FRMD7: variants seen among roughly 807,000 people sequenced by gnomAD.
FRMD7 encodes FERM domain-containing protein 7.
In FRMD7, 14 loss-of-function variants were observed where a neutral mutation model predicts 44.1. The ratio of observed to expected loss-of-function variants is 0.32; its 90% CI spans 0.21 to 0.50. FRMD7 has a LOEUF of 0.50. FRMD7 is among the 20% of genes least tolerant of loss of function. The pLI is 0.99. For synonymous variants in FRMD7, 212 were observed against 187.4 expected, an observed-to-expected ratio of 1.13 and a Z score of -1.07; for missense variants, 501 against 522.3, an observed-to-expected ratio of 0.96 and a Z score of 0.40.
intron 1 of FRMD7, among the ~76,000 whole-genome samples, chrX:132,121,289 C>T (rs1276780755): frequency 8.9e-6 from 1 of 111,897 alleles, no homozygotes; most frequent in African/African-American, 3.2e-5. Context: ...CCCAGCTCAC[C>T]TGTTAACTTA....
intron 1 of FRMD7, among the ~76,000 whole-genome samples, chrX:132,105,248 T>G (rs1397079183): frequency 9.0e-6 from 1 of 111,385 alleles, no homozygotes; most frequent in Non-Finnish European, 1.9e-5. Context: ...TATCAAACAG[T>G]TAGGATATGA....
intron 1 of FRMD7, among the ~76,000 whole-genome samples, chrX:132,125,910 T>C (rs1489257632): frequency 8.9e-6 from 1 of 111,851 alleles, no homozygotes; most frequent in Non-Finnish European, 1.9e-5. Context: ...GTCACTTAAG[T>C]TCCCTGAGCC....
intron 1 of FRMD7, among the ~76,000 whole-genome samples, chrX:132,116,022 G>T (rs1211350508): frequency 2.7e-5 from 3 of 111,215 alleles, no homozygotes; most frequent in Non-Finnish European, 5.7e-5. Context: ...TGCAGGGCTG[G>T]TCCAGGAAAA....
chrX:132,127,718 A>G (rs1460048128), intron 1 of FRMD7, 70 bp downstream of exon 1: 2 of 837,753 alleles, frequency 2.4e-6, no homozygotes, highest in Non-Finnish European at 3.6e-6. Flanking sequence ...TTGCTCTCTA[A>G]TGGGCTGTTC....
chrX:132,081,072 C>T (rs900187281), intron 9 of FRMD7, among the ~76,000 whole-genome samples: 1 of 111,636 alleles, frequency 9.0e-6, no homozygotes, highest in African/African-American at 3.3e-5. Context: ...CCATGGCTCA[C>T]ACCTGTAATT....
intron 6 of FRMD7, 22 bp from the exon 7 acceptor site, chrX:132,085,750 G>A (rs1927964992): frequency 8.4e-7 from 1 of 1,196,194 alleles, no homozygotes; most frequent in Non-Finnish European, 1.1e-6. Flanking sequence ...AAGAATTTAT[G>A]AGCCTAATAA....
chrX:132,117,342 T>A (rs1340273280), intron 1 of FRMD7, among the ~76,000 whole-genome samples: 1 of 111,715 alleles, frequency 9.0e-6, no homozygotes, highest in Non-Finnish European at 1.9e-5. Flanking sequence ...AGGTAGTGGA[T>A]CATGTACAGC....
intron 5 of FRMD7, among the ~76,000 whole-genome samples, chrX:132,092,490 G>A (rs1435914752): frequency 8.9e-6 from 1 of 112,128 alleles, no homozygotes; most frequent in Non-Finnish European, 1.9e-5. Context: ...CTACGTTAGA[G>A]TTTAGTGAAA....
At chrX:132,087,833 A>G (rs1928041373) in intron 5 of FRMD7, among the ~76,000 whole-genome samples, 1 of 111,656 alleles carries the variant, frequency 9.0e-6, no homozygotes, top group Non-Finnish European at 1.9e-5. Flanking sequence ...TCAGCAGCAT[A>G]TGAAAAGGAT....
At chrX:132,083,976 G>A (rs1383825031) in intron 8 of FRMD7, among the ~76,000 whole-genome samples, 2 of 111,348 alleles carry the variant, frequency 1.8e-5, no homozygotes, top group Non-Finnish European at 3.8e-5. Flanking sequence ...AAAAAAAGAA[G>A]ATCATTTCTA....
intron 1 of FRMD7, among the ~76,000 whole-genome samples, chrX:132,115,032 T>C (rs1038551132): frequency 1.8e-5 from 2 of 112,544 alleles, no homozygotes; most frequent in Admixed American, 9.4e-5. Flanking sequence ...TCGTGCACAC[T>C]GTAGGTGATT....
In FRMD7 at chrX:132,101,244, C is replaced by T. The variant is rs867105825; in HGVS notation, c.58-528G>A. 7.2e-5 allele frequency among the ~76,000 whole-genome samples: 8 copies of T among 110,891 alleles called. No homozygotes were observed. In the East Asian group the frequency reaches 1.1e-3, roughly 16 times the overall value. On this transcript the variant is annotated intron_variant, in intron 1 of 11. Transcript: ENST00000298542. ...CTCCTGATACTTTCCTCTCTAATAA[C>T]GGCAGCCTGCTCTTAGTTCCCCATA...
rs2124211909 is a variant in FRMD7 at position 132,080,015 on chromosome X, C to T, written c.1041G>A (p.Val347=). 7 of 1,179,748 alleles carry T rather than the reference C, an allele frequency of 5.9e-6. No individual in the cohort carries two copies. Among genetic ancestry groups the T allele is most frequent in the South Asian group, 1.8e-5 (1 of 56,252 alleles). The change falls in exon 11 of 12, where the codon GTG becomes GTA. Residue 347 remains valine, a synonymous_variant. Transcript: ENST00000298542. ...TTTTCAGAAACCTTACTTGTTTTGACACATCAGAGAGGAGGTCTGGTGAGG... is the reference window on the plus strand; with the variant it reads ...TTTTCAGAAACCTTACTTGTTTTGATACATCAGAGAGGAGGTCTGGTGAGG... ...CRSSPDLLSD[V]SKQVEDLRLA... is the part of the protein sequence containing the mutation.
At chrX:132,096,099 C>T (rs371787355) in intron 4 of FRMD7, among the ~76,000 whole-genome samples, 6 of 110,847 alleles carry the variant, frequency 5.4e-5, no homozygotes, top group East Asian at 2.8e-4. Context: ...GGTTAGCAAA[C>T]GCAAATACAT....
Position 132,078,775 on chromosome X carries a change from G to C in FRMD7, c.1242C>G (p.Phe414Leu), listed in dbSNP as rs773855252. ...LLHQSQSSSS[F>L]PFIYMDPVFN... ...AGACAGGGTCCATATAAATAAAAGG[G>C]AAAGAGGAACTGCTTTGGGACTGAT... Residue 414 changes from phenylalanine to leucine, a missense_variant, in exon 12 of 12, where the codon TTC becomes TTG. Coordinates refer to ENST00000298542, the MANE Select transcript of FRMD7 (RefSeq NM_194277.3). 8 of 1,211,461 alleles carry C rather than the reference G, an allele frequency of 6.6e-6. No individual in the cohort carries two copies. The Admixed American group carries it at 1.3e-4, about 20-fold the overall frequency.
intron 1 of FRMD7, among the ~76,000 whole-genome samples, chrX:132,116,176 C>T (rs762487771): frequency 5.3e-5 from 6 of 112,485 alleles, no homozygotes; most frequent in Non-Finnish European, 9.4e-5. Flanking sequence ...AGAGCAAGAA[C>T]AGAATCCACT....
intron 3 of FRMD7, 31 bp downstream of exon 3, chrX:132,099,437 C>A: frequency 8.7e-7 from 1 of 1,153,403 alleles, no homozygotes; most frequent in South Asian, 1.8e-5. Context: ...TAACTGTGAA[C>A]TCTCTTCCTT....
At chrX:132,092,265 T>A (rs1219401171) in intron 5 of FRMD7, among the ~76,000 whole-genome samples, 1 of 112,030 alleles carries the variant, frequency 8.9e-6, no homozygotes, top group East Asian at 2.8e-4. Context: ...TGTGTAAGTG[T>A]AAACAAAGGA....
At chrX:132,124,271 C>A (rs183485002) in intron 1 of FRMD7, among the ~76,000 whole-genome samples, 21 of 111,862 alleles carry the variant, frequency 1.9e-4, no homozygotes, top group Non-Finnish European at 3.2e-4. Context: ...TAAATCATGA[C>A]CTTATTCAAT....
Sources: gnomAD v4.1 joint callset for allele counts (sites outside exome capture counted in the v4.1 genomes callset) on GRCh38, gnomAD v4.1.1 for gene constraint, MANE v1.5 for transcripts, NCBI Gene and HGNC (gene_info 2026-07-23, HGNC 2026-07-21) for gene names.